Variants in RGS6 observed in about 807,000 individuals in gnomAD.
RGS6 encodes the protein regulator of G protein signaling 6.
In RGS6, 30 loss-of-function variants were observed where a neutral mutation model predicts 78.5. That is an observed-to-expected ratio of 0.38 (90% CI 0.29 to 0.52). RGS6 has a LOEUF of 0.52. RGS6 is among the 20% of genes least tolerant of loss of function. RGS6 has a pLI of 0.85. For synonymous variants in RGS6, 206 were observed against 206.0 expected, an observed-to-expected ratio of 1.00 and a Z score of 0.00; for missense variants, 495 against 609.7, an observed-to-expected ratio of 0.81 and a Z score of 1.98.
At chr14:72,276,717 A>G (rs1049730016) in intron 2 of RGS6, among the ~76,000 whole-genome samples, 4 of 152,174 alleles carry the variant, frequency 2.6e-5, no homozygotes, top group African/African-American at 9.7e-5. Flanking sequence ...GCCTATTGCC[A>G]TGTAAGATAT....
At chr14:72,311,320 A>G (rs553283689) in intron 2 of RGS6, among the ~76,000 whole-genome samples, 111 of 152,306 alleles carry the variant, frequency 7.3e-4, no homozygotes, top group African/African-American at 2.6e-3. Context: ...TTATCACACA[A>G]TCTCAGATTC....
chr14:72,550,497 ACAT>A, intron 17 of RGS6: 2 of 1,535,730 alleles, frequency 1.3e-6, no homozygotes, highest in Non-Finnish European at 1.7e-6. Flanking sequence ...CCTGGCCTTA[ACAT>A]CATAGCACAT....
At chr14:72,176,611 A>G (rs1420112228) in intron 2 of RGS6, among the ~76,000 whole-genome samples, 1 of 152,230 alleles carries the variant, frequency 6.6e-6, no homozygotes, top group Non-Finnish European at 1.5e-5. Context: ...CTGGGAGTCC[A>G]GTCGGCTTGG....
intron 2 of RGS6, among the ~76,000 whole-genome samples, chr14:72,307,205 T>C (rs2067439989): frequency 6.6e-6 from 1 of 152,226 alleles, no homozygotes; most frequent in African/African-American, 2.4e-5. Context: ...GGTATATACA[T>C]TGTTTTTTAG....
At chr14:72,597,222 A>G in the RGS6 span, among the ~76,000 whole-genome samples, 1 of 149,638 alleles carries the variant, frequency 6.7e-6, no homozygotes, top group Admixed American at 6.7e-5. Context: ...CTGAGTGACA[A>G]ACTGAGACTC....
At chr14:72,487,127 C>T (rs2096502026) in intron 12 of RGS6, among the ~76,000 whole-genome samples, 1 of 152,014 alleles carries the variant, frequency 6.6e-6, no homozygotes, top group Non-Finnish European at 1.5e-5. Flanking sequence ...CTGTCTTTTC[C>T]ATGCAATGAT....
chr14:72,242,241 G>A (rs902793806), intron 2 of RGS6, among the ~76,000 whole-genome samples: 3 of 152,150 alleles, frequency 2.0e-5, no homozygotes, highest in Non-Finnish European at 4.4e-5. Context: ...TAGGGATTCA[G>A]GGGGAAGGCA....
chr14:72,103,723 G>A (rs551295200), intron 2 of RGS6, among the ~76,000 whole-genome samples: 22 of 152,292 alleles, frequency 1.4e-4, no homozygotes, highest in South Asian at 2.1e-4. Flanking sequence ...TGGAGACAGG[G>A]CTCCCGGAAG....
intron 2 of RGS6, among the ~76,000 whole-genome samples, chr14:72,332,407 C>G (rs17110829): frequency 0.054 from 8,284 of 152,168 alleles, 342 homozygotes; most frequent in East Asian, 0.25. Context: ...GAATTTGGAA[C>G]CAATGAGAGA....
intron 2 of RGS6, among the ~76,000 whole-genome samples, chr14:72,119,360 C>G (rs2095990023): frequency 6.6e-6 from 1 of 152,136 alleles, no homozygotes; most frequent in African/African-American, 2.4e-5. Flanking sequence ...AAACCATACC[C>G]CACTGGTCAT....
At position 72,046,473 on chromosome 14, in the gene RGS6, T is replaced by C. The variant is rs144380722; in HGVS notation, c.84+81598T>C. ...CCAACTCAAGGTTTTCGTTTTGTTT[T>C]TTAAGAGTAAGTAACTTATTTTGAT... On this transcript the variant is annotated intron_variant, in intron 2 of 17. Transcript: ENST00000553525. 2.8e-3 allele frequency among the ~76,000 whole-genome samples: 431 copies of C among 152,282 alleles called. 4 individuals carry two copies. The highest frequency in any genetic ancestry group is 9.6e-3 in the African/African-American group (398 of 41,560).
chr14:72,265,731 C>T (rs2058939844), intron 2 of RGS6, among the ~76,000 whole-genome samples: 1 of 152,122 alleles, frequency 6.6e-6, no homozygotes, highest in Admixed American at 6.5e-5. Context: ...CCTTCCCACA[C>T]CCCACTCTTC....
At chr14:72,064,749 G>A (rs1201082885) in intron 2 of RGS6, among the ~76,000 whole-genome samples, 4 of 152,162 alleles carry the variant, frequency 2.6e-5, no homozygotes. Context: ...TTGAGAGATC[G>A]TTGGATAGAT....
At position 71,932,652 on chromosome 14, in the gene RGS6, G is replaced by C. The variant is rs1410146558; in HGVS notation, c.-310G>C. 1 of 152,184 alleles carries C rather than the reference G, an allele frequency of 6.6e-6. No individual in the cohort carries two copies. The highest frequency in any genetic ancestry group is 1.9e-4 in the East Asian group (1 of 5,178). 9.4% of individuals were successfully genotyped at this position (152,184 alleles called of 1,614,324 possible). On this transcript the variant is annotated 5_prime_UTR_variant, in exon 1 of 18. Coordinates refer to ENST00000553525, the MANE Select transcript of RGS6 (RefSeq NM_001204424.2). ...GCCCGGAGCGCGCCGGGGACACCCT[G>C]TGCGCCCCGAGTCCCGGCACCATGC...
chr14:72,623,209 G>A, the RGS6 span, among the ~76,000 whole-genome samples: 2 of 152,170 alleles, frequency 1.3e-5, no homozygotes, highest in African/African-American at 4.8e-5. Flanking sequence ...GAAGAGGTAA[G>A]TAGAGAGCTA....
intron 2 of RGS6, among the ~76,000 whole-genome samples, chr14:72,046,878 G>C (rs1328254211): frequency 1.3e-5 from 2 of 152,118 alleles, no homozygotes; most frequent in African/African-American, 4.8e-5. Flanking sequence ...TTGATTTTCA[G>C]CTGTACTGAA....
At chr14:72,113,287 C>G (rs553499563) in intron 2 of RGS6, among the ~76,000 whole-genome samples, 1 of 152,154 alleles carries the variant, frequency 6.6e-6, no homozygotes, top group Non-Finnish European at 1.5e-5. Context: ...ATTATCAGTC[C>G]CTTTTTCCTC....
the RGS6 span, among the ~76,000 whole-genome samples, chr14:72,591,613 C>T: frequency 1.3e-5 from 2 of 152,130 alleles, no homozygotes; most frequent in South Asian, 2.1e-4. Context: ...TAATTGAGCC[C>T]GTTCAGCTTC....
intron 12 of RGS6, among the ~76,000 whole-genome samples, chr14:72,493,651 T>C (rs187418843): frequency 1.3e-5 from 2 of 152,118 alleles, no homozygotes; most frequent in African/African-American, 4.8e-5. Context: ...CATCATGAAA[T>C]TGCAGAACAC....
Sources: allele counts gnomAD v4.1 joint callset (sites outside exome capture counted in the v4.1 genomes callset), GRCh38; gene constraint gnomAD v4.1.1; transcripts MANE v1.5; gene names NCBI Gene and HGNC (gene_info 2026-07-23, HGNC 2026-07-21).